The following CNOT1 variants were observed in gnomAD, a reference collection of about 807,000 sequenced individuals.
The protein encoded by CNOT1 is CCR4-associated factor 1.
A neutral mutation model predicts 273.8 loss-of-function variants in CNOT1; 15 were observed. The ratio of observed to expected loss-of-function variants is 0.05; its 90% CI spans 0.04 to 0.08. The LOEUF is 0.08. Among genes scored for constraint, CNOT1 ranks in the 10% least tolerant of loss-of-function variants. The pLI, the probability that CNOT1 is intolerant of heterozygous loss-of-function variation, is 1.00. For synonymous variants in CNOT1, 1,022 were observed against 1,005.5 expected (o/e 1.02, Z -0.31); for missense variants, 1,644 against 2,912.2 (o/e 0.56, Z 10.02).
chr16:58,625,979 T>A (rs1219932890), intron 1 of CNOT1, among the ~76,000 whole-genome samples: 40 of 152,314 alleles, frequency 2.6e-4, no homozygotes, highest in Admixed American at 2.6e-3. Context: ...GCTAGATTCT[T>A]CTATATATAG....
intron 2 of CNOT1, among the ~76,000 whole-genome samples, chr16:58,591,396 T>C (rs909696283): frequency 6.6e-6 from 1 of 152,214 alleles, no homozygotes; most frequent in Non-Finnish European, 1.5e-5. Flanking sequence ...TTAATTTTTT[T>C]CCCATGCAGA....
At chr16:58,570,686 T>C (rs955932777) in intron 16 of CNOT1, among the ~76,000 whole-genome samples, 1 of 152,098 alleles carries the variant, frequency 6.6e-6, no homozygotes, top group African/African-American at 2.4e-5. Flanking sequence ...AAGGTATAAT[T>C]TGCATGACAA....
chr16:58,560,367 AAT>A lies in CNOT1; in HGVS notation c.1980-7_1980-6del. The stretch of plus-strand genomic sequence containing the variant: ...GATAGCTCCTGAGAAACACTCCTAA[AAT>A]AGAGGGGAAAAGGTAAAAAATATCA... On this transcript the variant is annotated splice_polypyrimidine_tract_variant and splice_region_variant and intron_variant, in intron 16 of 48. Transcript: ENST00000317147. 14 of 1,613,518 alleles carry A rather than the reference AAT, an allele frequency of 8.7e-6. No individual in the cohort carries two copies. Among genetic ancestry groups the A allele is most frequent in the Non-Finnish European group, 1.1e-5 (13 of 1,179,804 alleles).
chr16:58,620,045 T>C (rs536241460), intron 1 of CNOT1, among the ~76,000 whole-genome samples: 1 of 152,098 alleles, frequency 6.6e-6, no homozygotes, highest in South Asian at 2.1e-4. Flanking sequence ...ATTCAAGCAG[T>C]ATGAAAAAAA....
intron 16 of CNOT1, among the ~76,000 whole-genome samples, chr16:58,561,374 C>T (rs1354766001): frequency 6.6e-6 from 1 of 152,118 alleles, no homozygotes; most frequent in Non-Finnish European, 1.5e-5. Context: ...TAGCTTCAAC[C>T]ACTTTGTCAA....
rs775525258 is a variant in CNOT1, at chr16:58,542,249, T to C, written c.4662A>G (p.Pro1554=). 1.9e-6 allele frequency: 3 copies of C among 1,614,158 alleles called. No individual in the cohort carries two copies. The highest frequency in any genetic ancestry group is 2.5e-6 in the Non-Finnish European group (3 of 1,180,014). The change falls in exon 33 of 49, where the codon CCA becomes CCG. Residue 1554 remains proline (P), a synonymous_variant. Coordinates refer to ENST00000317147, the MANE Select transcript of CNOT1 (RefSeq NM_016284.5). ...TTCTCACTTTCAGCCTGATTTGCTCTGGCATCCGTTCAGCTTGATATGTTA... is the reference window on the plus strand; with the variant it reads ...TTCTCACTTTCAGCCTGATTTGCTCCGGCATCCGTTCAGCTTGATATGTTA... ...VVLTYQAERM[P]EQIRLKVGGV...
At chr16:58,533,159 C>T (rs2039821481) in intron 40 of CNOT1, 1 of 152,202 alleles carries the variant, frequency 6.6e-6, no homozygotes, top group Admixed American at 6.5e-5. Flanking sequence ...GGTATGTTTA[C>T]ATATTATTTA....
chr16:58,585,112 C>T (rs1281004653), intron 8 of CNOT1, among the ~76,000 whole-genome samples: 1 of 152,182 alleles, frequency 6.6e-6, no homozygotes, highest in Non-Finnish European at 1.5e-5. Context: ...CTGGAAACCT[C>T]TGGCTCCTAA....
At chr16:58,582,493 T>C (rs1373331904) in intron 10 of CNOT1, among the ~76,000 whole-genome samples, 2 of 152,172 alleles carry the variant, frequency 1.3e-5, no homozygotes, top group Non-Finnish European at 2.9e-5. Flanking sequence ...AATATTTTAG[T>C]AGAGGTACTT....
chr16:58,621,745 C>T (rs1187901860), intron 1 of CNOT1, among the ~76,000 whole-genome samples: 3 of 146,788 alleles, frequency 2.0e-5, no homozygotes, highest in Non-Finnish European at 3.0e-5. Context: ...GGTGAAACCC[C>T]GTCTCTACCA....
chr16:58,523,658 T>C (rs1205601228), intron 46 of CNOT1, 156 bp from the exon 47 acceptor site: 2 of 554,242 alleles, frequency 3.6e-6, no homozygotes, highest in Non-Finnish European at 6.2e-6. Context: ...TTCTCATTTC[T>C]GTGCGTTTTA....
intron 21 of CNOT1, among the ~76,000 whole-genome samples, chr16:58,554,241 G>GTC (rs1224664877): frequency 2.0e-5 from 3 of 151,554 alleles, no homozygotes; most frequent in Non-Finnish European, 4.4e-5. Context: ...ACGTAGTAAC[G>GTC]TAAGTCTCAA....
At chr16:58,584,634 C>T (rs2041774967) in intron 8 of CNOT1, among the ~76,000 whole-genome samples, 1 of 150,260 alleles carries the variant, frequency 6.7e-6, no homozygotes. Context: ...GCCCAGCCTG[C>T]ATCCTAACTT....
chr16:58,590,236 T>C (rs148612846), intron 2 of CNOT1, among the ~76,000 whole-genome samples: 2 of 152,162 alleles, frequency 1.3e-5, no homozygotes, highest in African/African-American at 4.8e-5. Flanking sequence ...GGATAAGGGG[T>C]TGACATATTT....
Position 58,585,516 on chromosome 16 carries a change from G to C in CNOT1, c.638-10C>G. The stretch of plus-strand genomic sequence containing the variant: ...CGTTCTTGGGGAAAATCTGAGAGAG[G>C]AAAAAGGTTACAACTGCTATACTAA... On this transcript the variant is annotated splice_polypyrimidine_tract_variant and intron_variant, in intron 7 of 48. Transcript: ENST00000317147. The C allele has an allele frequency of 6.2e-7, 1 of 1,606,032 alleles. No homozygotes were observed. Among genetic ancestry groups the C allele is most frequent in the Non-Finnish European group, 8.5e-7 (1 of 1,178,082 alleles).
chr16:58,545,620 A>ACCCCCCC, intron 29 of CNOT1, 129 bp from the exon 30 acceptor site: 1 of 1,447,436 alleles, frequency 6.9e-7, no homozygotes, highest in Non-Finnish European at 9.2e-7. Context: ...GGAAGGATGT[A>ACCCCCCC]GCAGGTCCTA....
At chr16:58,609,502 C>T (rs1324003068) in intron 1 of CNOT1, among the ~76,000 whole-genome samples, 1 of 152,102 alleles carries the variant, frequency 6.6e-6, no homozygotes, top group South Asian at 2.1e-4. Flanking sequence ...TCGAGCTTGT[C>T]GCCCAGGCTG....
At chr16:58,572,471 C>CA (rs936678885) in intron 16 of CNOT1, among the ~76,000 whole-genome samples, 10 of 151,582 alleles carry the variant, frequency 6.6e-5, no homozygotes, top group Admixed American at 5.3e-4. Flanking sequence ...CCTGTCTCTA[C>CA]AAAAAATAAA....
chr16:58,561,892 G>A (rs1025438451), intron 16 of CNOT1, among the ~76,000 whole-genome samples: 12 of 152,014 alleles, frequency 7.9e-5, no homozygotes, highest in African/African-American at 2.9e-4. Context: ...AGCTCTACTC[G>A]GGCCGGGTGC....
Sources: gnomAD v4.1 joint callset for allele counts (sites outside exome capture counted in the v4.1 genomes callset) on GRCh38, gnomAD v4.1.1 for gene constraint, MANE v1.5 for transcripts, NCBI Gene and HGNC (gene_info 2026-07-23, HGNC 2026-07-21) for gene names.